The following CMSS1 variants were observed in gnomAD, a reference collection of about 807,000 sequenced individuals.
CMSS1 encodes the protein cms1 ribosomal small subunit homolog, also known as protein CMSS1.
A neutral mutation model predicts 43.5 loss-of-function variants in CMSS1; 33 were observed. The observed-to-expected ratio is 0.76, with a 90% CI of 0.57 to 1.01. The LOEUF (loss-of-function observed/expected upper bound fraction) is 1.01, where lower values mean the gene tolerates loss of function less well. CMSS1 is among the 50% of genes least tolerant of loss of function. The probability of loss-of-function intolerance (pLI) is 0.00; values close to 1 mark genes in which losing one functional copy is unlikely to be tolerated. For synonymous variants in CMSS1, 115 were observed against 117.2 expected (o/e 0.98, Z 0.12); for missense variants, 313 against 326.4 (o/e 0.96, Z 0.32).
chr3:99,978,331 C>T (rs796654076), intron 1 of CMSS1, among the ~76,000 whole-genome samples: 103 of 152,300 alleles, frequency 6.8e-4, no homozygotes, highest in African/African-American at 2.4e-3. Flanking sequence ...GACATCTACA[C>T]TGCCAGGCTT....
Position 100,178,621 on chromosome 3 carries a change from G to A in CMSS1, c.*233G>A, listed in dbSNP as rs754128670. The A allele has an allele frequency of 1.2e-4, 47 of 383,120 alleles. No individual in the cohort carries two copies. The Middle Eastern group carries it at 2.2e-3, about 18-fold the overall frequency. The allele number at this position is 383,120 out of a possible 1,614,324, so 23.7% of individuals were successfully genotyped here. ...GTGTATGATCCTTGTTGAGCGGACC[G>A]TGTTTTTCTGTCACCAACTGGCTTC... is the stretch of plus-strand genomic sequence containing the variant. On this transcript the variant is annotated 3_prime_UTR_variant, in exon 10 of 10. Coordinates refer to ENST00000421999, the MANE Select transcript of CMSS1 (RefSeq NM_032359.4).
intron 1 of CMSS1, among the ~76,000 whole-genome samples, chr3:99,950,943 T>C (rs1029136573): frequency 6.6e-5 from 10 of 152,150 alleles, no homozygotes; most frequent in African/African-American, 2.2e-4. Flanking sequence ...CCAGGGATTA[T>C]TGGGTTTGAC....
At position 100,167,727 on chromosome 3, in the gene CMSS1, CTT is replaced by C. The variant is rs772903826; in HGVS notation, c.416-6_416-5del. 8 of 1,582,504 alleles carry C rather than the reference CTT, an allele frequency of 5.1e-6. No individual in the cohort carries two copies. In the African/African-American group the frequency reaches 1.1e-4, roughly 21 times the overall value. ...ATATTTCAAATAATTGTTTTCTGTT[CTT>C]TTTTCCAGTTTGTCCTAAGTGGGTA... On this transcript the variant is annotated splice_polypyrimidine_tract_variant and intron_variant, in intron 5 of 9. Transcript: ENST00000421999.
chr3:100,051,920 AAT>A (rs1369180817), intron 1 of CMSS1, among the ~76,000 whole-genome samples: 9 of 148,730 alleles, frequency 6.1e-5, no homozygotes, highest in Non-Finnish European at 8.9e-5. Flanking sequence ...GTGTTATTAA[AAT>A]ATATGTTTAT....
chr3:100,172,268 A>C (rs1205612579), intron 7 of CMSS1, 48 bp from the exon 8 acceptor site: 1 of 1,491,632 alleles, frequency 6.7e-7, no homozygotes, highest in Non-Finnish European at 9.3e-7. Context: ...GTAAGATAGC[A>C]CTTTCTTAAT....
At chr3:99,848,405 G>A (rs1246284660) in intron 1 of CMSS1, 9 of 1,614,008 alleles carry the variant, frequency 5.6e-6, no homozygotes, top group African/African-American at 2.7e-5. Flanking sequence ...CCTTGAGTTC[G>A]GTTATCCTGC....
chr3:99,865,955 C>T (rs1944491401), intron 1 of CMSS1, among the ~76,000 whole-genome samples: 1 of 151,910 alleles, frequency 6.6e-6, no homozygotes, highest in African/African-American at 2.4e-5. Context: ...CTCCATTAGT[C>T]CCTTTTTTCT....
intron 1 of CMSS1, among the ~76,000 whole-genome samples, chr3:99,960,761 A>G (rs1322748948): frequency 6.6e-6 from 1 of 152,208 alleles, no homozygotes; most frequent in East Asian, 1.9e-4. Context: ...ATTTTCTGTT[A>G]TTGATTTTAT....
intron 1 of CMSS1, among the ~76,000 whole-genome samples, chr3:100,102,539 T>A (rs1190695829): frequency 2.0e-5 from 3 of 152,242 alleles, no homozygotes; most frequent in Non-Finnish European, 4.4e-5. Flanking sequence ...TGTACGTCTC[T>A]TGTAACACTT....
At chr3:100,092,336 T>G (rs1379315098) in intron 1 of CMSS1, among the ~76,000 whole-genome samples, 1 of 152,140 alleles carries the variant, frequency 6.6e-6, no homozygotes, top group African/African-American at 2.4e-5. Context: ...TCATAGCATA[T>G]TTTGGATTCC....
chr3:99,946,200 T>C (rs1455125934), intron 1 of CMSS1, among the ~76,000 whole-genome samples: 1 of 152,208 alleles, frequency 6.6e-6, no homozygotes, highest in Non-Finnish European at 1.5e-5. Flanking sequence ...ATTGGGTATG[T>C]CTATTACATC....
chr3:99,826,617 C>T (rs1014957102), intron 1 of CMSS1, among the ~76,000 whole-genome samples: 3 of 152,180 alleles, frequency 2.0e-5, no homozygotes, highest in African/African-American at 4.8e-5. Flanking sequence ...AAAGTCACAT[C>T]GTGAATTGTA....
chr3:100,115,557 TTCTCTCTCTCTCTCTCTGTCTC>T (rs1559762511), intron 1 of CMSS1, among the ~76,000 whole-genome samples: 5 of 75,190 alleles, frequency 6.6e-5, no homozygotes, highest in Non-Finnish European at 1.3e-4. Context: ...CTCTTTCTCT[TTCTCTCTCTCTCTCTCTGTCTC>T]TCTCTCTCTC....
chr3:99,942,770 A>C (rs950607651), intron 1 of CMSS1, among the ~76,000 whole-genome samples: 1 of 152,066 alleles, frequency 6.6e-6, no homozygotes, highest in African/African-American at 2.4e-5. Flanking sequence ...CAGAGGTTGC[A>C]GTGAGCCGAC....
chr3:100,031,848 A>G (rs2065027271), intron 1 of CMSS1, among the ~76,000 whole-genome samples: 1 of 152,216 alleles, frequency 6.6e-6, no homozygotes, highest in South Asian at 2.1e-4. Context: ...CTTGCTGGCC[A>G]TATGGTCTGT....
chr3:99,966,795 G>A (rs189125921), intron 1 of CMSS1, among the ~76,000 whole-genome samples: 1 of 152,186 alleles, frequency 6.6e-6, no homozygotes, highest in African/African-American at 2.4e-5. Flanking sequence ...TATACAAGAC[G>A]TAACTGAAGA....
intron 1 of CMSS1, among the ~76,000 whole-genome samples, chr3:99,897,175 A>G (rs1344284876): frequency 6.6e-6 from 1 of 152,164 alleles, no homozygotes; most frequent in African/African-American, 2.4e-5. Context: ...CCTAGCCAAC[A>G]TAGTGAAACC....
At chr3:99,969,884 A>G (rs1024775904) in intron 1 of CMSS1, among the ~76,000 whole-genome samples, 2 of 152,234 alleles carry the variant, frequency 1.3e-5, no homozygotes, top group African/African-American at 4.8e-5. Context: ...GTCATGAATA[A>G]GTGTTATGGA....
intron 1 of CMSS1, among the ~76,000 whole-genome samples, chr3:99,993,159 A>G (rs1340989602): frequency 1.3e-5 from 2 of 152,008 alleles, no homozygotes; most frequent in Non-Finnish European, 2.9e-5. Flanking sequence ...TTTGGGTTTC[A>G]TATGAGTTTT....
Sources: allele counts gnomAD v4.1 joint callset (sites outside exome capture counted in the v4.1 genomes callset), GRCh38; gene constraint gnomAD v4.1.1; transcripts MANE v1.5; gene names NCBI Gene and HGNC (gene_info 2026-07-23, HGNC 2026-07-21).